Variants in ITGB6 observed in about 807,000 individuals in gnomAD.
ITGB6 encodes integrin beta-6.
ITGB6 carries 80 observed loss-of-function variants against 84.5 expected under a neutral mutation model. The ratio of observed to expected loss-of-function variants is 0.95; its 90% CI spans 0.79 to 1.14. The LOEUF (loss-of-function observed/expected upper bound fraction) is 1.14. Among genes scored for constraint, ITGB6 ranks in the 50% most tolerant of loss-of-function variants. The pLI is 0.00. For synonymous variants in ITGB6, 383 were observed against 354.9 expected, an observed-to-expected ratio of 1.08 and a Z score of -0.89; for missense variants, 1,006 against 968.0, an observed-to-expected ratio of 1.04 and a Z score of -0.52.
chr2:160,142,817 G>C (rs951039802), intron 7 of ITGB6, among the ~76,000 whole-genome samples: 1 of 152,202 alleles, frequency 6.6e-6, no homozygotes, highest in Non-Finnish European at 1.5e-5. Flanking sequence ...CGGCAAAGAA[G>C]GGAATTTTCC....
intron 10 of ITGB6, 123 bp downstream of exon 10, chr2:160,137,311 G>T: frequency 1.1e-6 from 1 of 890,148 alleles, no homozygotes; most frequent in Non-Finnish European, 1.7e-6. Flanking sequence ...TAGGTCTAAG[G>T]CTGATCAGCA....
chr2:160,148,081 A>G (rs1214937737), intron 7 of ITGB6, among the ~76,000 whole-genome samples: 2 of 152,230 alleles, frequency 1.3e-5, no homozygotes, highest in Admixed American at 1.3e-4. Context: ...CTACAAGACT[A>G]TTACCAAAAT....
chr2:160,146,326 A>G (rs1228569324), intron 7 of ITGB6, among the ~76,000 whole-genome samples: 2 of 152,184 alleles, frequency 1.3e-5, no homozygotes, highest in African/African-American at 4.8e-5. Flanking sequence ...GTAAAACCAA[A>G]TGCTCAGAGC....
chr2:160,116,790 A>T (rs1175217078), intron 12 of ITGB6, among the ~76,000 whole-genome samples: 1 of 152,174 alleles, frequency 6.6e-6, no homozygotes, highest in Non-Finnish European at 1.5e-5. Context: ...AGAGACACAC[A>T]TAGGCTCAAA....
At chr2:160,192,453 A>T (rs990727814) in intron 4 of ITGB6, among the ~76,000 whole-genome samples, 4 of 152,188 alleles carry the variant, frequency 2.6e-5, no homozygotes, top group Non-Finnish European at 5.9e-5. Context: ...CTTCCTTCTC[A>T]TTCCAAATAC....
intron 13 of ITGB6, among the ~76,000 whole-genome samples, chr2:160,111,235 T>C (rs1370242486): frequency 6.6e-6 from 1 of 152,164 alleles, no homozygotes; most frequent in Non-Finnish European, 1.5e-5. Flanking sequence ...TTTTTTTCAA[T>C]AGAATCAATA....
intron 6 of ITGB6, among the ~76,000 whole-genome samples, chr2:160,170,572 G>A (rs768561028): frequency 3.9e-5 from 6 of 152,164 alleles, no homozygotes; most frequent in Non-Finnish European, 7.3e-5. Flanking sequence ...GAAGGTGAGC[G>A]AAGCTGGTTT....
At chr2:160,137,892 A>G (rs913386766) in intron 9 of ITGB6, 41 bp from the exon 10 acceptor site, 10 of 1,593,820 alleles carry the variant, frequency 6.3e-6, no homozygotes, top group Non-Finnish European at 8.6e-6. Context: ...CATCCACCAA[A>G]ATGCACGAGG....
chr2:160,156,245 C>T lies in ITGB6; in HGVS notation c.1017+12967G>A, dbSNP rs1684617524. On this transcript the variant is annotated intron_variant, in intron 7 of 14. Transcript: ENST00000283249. ...AGTCATCAGCTCCTCATGGATTCCT[C>T]TACCCGAGGACAAAGCCAAGGGAGG... is the stretch of plus-strand genomic sequence containing the variant. Among the ~76,000 whole-genome samples the T allele has an allele frequency of 2.0e-5, 3 of 152,190 alleles. No individual in the cohort carries two copies. The South Asian group carries it at 6.2e-4, about 32-fold the overall frequency.
chr2:160,193,686 T>G (rs1341358207), intron 4 of ITGB6, among the ~76,000 whole-genome samples: 3 of 152,236 alleles, frequency 2.0e-5, no homozygotes, highest in Non-Finnish European at 4.4e-5. Flanking sequence ...CCTTTCCTTC[T>G]GACTGAAATG....
chr2:160,116,922 A>G (rs1682800430), intron 12 of ITGB6, among the ~76,000 whole-genome samples: 1 of 151,830 alleles, frequency 6.6e-6, no homozygotes, highest in Non-Finnish European at 1.5e-5. Flanking sequence ...AAAGAAGGCC[A>G]TTACATAATG....
chr2:160,126,534 G>A lies in ITGB6; in HGVS notation c.1728C>T (p.Cys576=), dbSNP rs368487211. The change falls in exon 11 of 15, where the codon TGC becomes TGT. Residue 576 remains cysteine, a synonymous_variant. Transcript: ENST00000283249. ...RSGWTGEYCN[C]TTSTDSCVSE... is the part of the protein sequence containing the mutation. ...AGACGCAGGAGTCCGTGCTGGTGGTGCAGTTGCAGTACTCGCCAGTCCAGC... is the reference window on the plus strand; with the variant it reads ...AGACGCAGGAGTCCGTGCTGGTGGTACAGTTGCAGTACTCGCCAGTCCAGC... 23 of 1,613,942 alleles carry A rather than the reference G, an allele frequency of 1.4e-5. No homozygotes were observed. Among genetic ancestry groups the A allele is most frequent in the Middle Eastern group, 1.7e-4 (1 of 6,030 alleles).
chr2:160,173,225 A>G (rs893746283), intron 5 of ITGB6, among the ~76,000 whole-genome samples: 9 of 152,248 alleles, frequency 5.9e-5, no homozygotes, highest in African/African-American at 1.9e-4. Context: ...ATACAAGGAT[A>G]AGAATTGCTT....
intron 7 of ITGB6, among the ~76,000 whole-genome samples, 184 bp from the exon 8 acceptor site, chr2:160,142,255 T>C (rs1417464283): frequency 1.3e-5 from 2 of 152,118 alleles, no homozygotes; most frequent in Admixed American, 6.5e-5. Context: ...TGTGCTCAAG[T>C]GGAAAATGGA....
intron 14 of ITGB6, among the ~76,000 whole-genome samples, chr2:160,106,360 C>T (rs1276318848): frequency 6.6e-5 from 10 of 152,136 alleles, no homozygotes; most frequent in African/African-American, 2.4e-4. Flanking sequence ...GCCTTAGCCT[C>T]CCAAGTAGCT....
chr2:160,137,362 G>A, intron 10 of ITGB6, 72 bp downstream of exon 10: 2 of 1,418,984 alleles, frequency 1.4e-6, no homozygotes, highest in South Asian at 1.3e-5. Flanking sequence ...AAACTGGAAG[G>A]TGCAGAGGAT....
intron 11 of ITGB6, 31 bp downstream of exon 11, chr2:160,126,348 C>CATAAGGA (rs1356021385): frequency 6.3e-7 from 1 of 1,591,996 alleles, no homozygotes; most frequent in Admixed American, 1.7e-5. Flanking sequence ...AACCTATCCA[C>CATAAGGA]ATAAGGAATG....
rs755868809 is a variant in ITGB6, at chr2:160,196,277, C to T, written c.285G>A (p.Gln95=). The T allele has an allele frequency of 1.1e-5, 18 of 1,614,060 alleles. No individual in the cohort carries two copies. Among genetic ancestry groups the T allele is most frequent in the Admixed American group, 1.7e-5 (1 of 60,024 alleles). The change falls in exon 3 of 15, where the codon CAG becomes CAA. Residue 95 remains glutamine (Q), a synonymous_variant. Coordinates refer to ENST00000283249, the MANE Select transcript of ITGB6 (RefSeq NM_000888.5). ...TCTGAACAATGTCAGAACTATTTTTCTGTCTGCCTACACTGAGAGGCTTAT... is the reference window on the plus strand; with the variant it reads ...TCTGAACAATGTCAGAACTATTTTTTTGTCTGCCTACACTGAGAGGCTTAT... ...LKNKPLSVGR[Q]KNSSDIVQIA... is the part of the protein sequence containing the mutation.
intron 4 of ITGB6, among the ~76,000 whole-genome samples, chr2:160,176,300 A>T (rs1685417836): frequency 1.3e-5 from 2 of 152,174 alleles, no homozygotes; most frequent in Non-Finnish European, 2.9e-5. Flanking sequence ...AGGCTCTTGG[A>T]TGGATGTGGC....
Sources: allele counts gnomAD v4.1 joint callset (sites outside exome capture counted in the v4.1 genomes callset), GRCh38; gene constraint gnomAD v4.1.1; transcripts MANE v1.5; gene names NCBI Gene and HGNC (gene_info 2026-07-23, HGNC 2026-07-21).